SLC4A4: variants seen among roughly 807,000 people sequenced by gnomAD.
The protein encoded by SLC4A4 is electrogenic sodium bicarbonate cotransporter 1.
Under a neutral mutation model 111.5 loss-of-function variants are expected in SLC4A4, and 27 were observed. That is an observed-to-expected ratio of 0.24 (90% CI 0.18 to 0.33). The LOEUF (loss-of-function observed/expected upper bound fraction) is 0.33. SLC4A4 is among the 10% of genes least tolerant of loss of function. The probability of loss-of-function intolerance (pLI) is 1.00; values close to 1 mark genes in which losing one functional copy is unlikely to be tolerated. For missense variants in SLC4A4, 909 were observed against 1,315.5 expected (o/e 0.69, Z 4.78); for synonymous variants, 443 against 463.4 (o/e 0.96, Z 0.57).
chr4:71,113,952 T>A (rs544472437), intron 2 of SLC4A4, among the ~76,000 whole-genome samples: 29 of 152,234 alleles, frequency 1.9e-4, no homozygotes, highest in African/African-American at 7.0e-4. Flanking sequence ...ATGTACTTTT[T>A]AAAAAAGCAA....
chr4:71,512,821 T>A (rs1732051230), intron 16 of SLC4A4, among the ~76,000 whole-genome samples: 1 of 152,148 alleles, frequency 6.6e-6, no homozygotes, highest in Non-Finnish European at 1.5e-5. Flanking sequence ...TATGGTGAGG[T>A]AGGAGTCCAG....
intron 2 of SLC4A4, among the ~76,000 whole-genome samples, chr4:71,178,802 T>A (rs1035821005): frequency 1.7e-4 from 26 of 152,180 alleles, no homozygotes; most frequent in Middle Eastern, 3.2e-3. Flanking sequence ...CCATTCCTTC[T>A]GAAACTATTC....
intron 1 of SLC4A4, among the ~76,000 whole-genome samples, chr4:71,192,003 G>A (rs947382068): frequency 1.3e-5 from 2 of 152,104 alleles, no homozygotes; most frequent in African/African-American, 4.8e-5. Flanking sequence ...AAATGAGAAA[G>A]GAGTATGTTA....
intron 3 of SLC4A4, among the ~76,000 whole-genome samples, chr4:71,261,067 G>T (rs538862968): frequency 4.8e-4 from 73 of 152,232 alleles, no homozygotes; most frequent in African/African-American, 1.6e-3. Flanking sequence ...CTCACTAGGC[G>T]TTCTTTTGCT....
intron 1 of SLC4A4, among the ~76,000 whole-genome samples, chr4:71,088,277 T>G (rs1742255848): frequency 6.6e-6 from 1 of 151,932 alleles, no homozygotes; most frequent in Admixed American, 6.6e-5. Context: ...CTCCATCCCT[T>G]TATTTTGAGC....
At chr4:71,212,692 G>A (rs953758169) in intron 1 of SLC4A4, among the ~76,000 whole-genome samples, 6 of 152,130 alleles carry the variant, frequency 3.9e-5, no homozygotes, top group South Asian at 2.1e-4. Context: ...GTGTGTGCAC[G>A]TGTGTGTGTG....
chr4:71,371,140 T>G (rs570514766), intron 6 of SLC4A4, among the ~76,000 whole-genome samples: 2 of 152,268 alleles, frequency 1.3e-5, no homozygotes, highest in Admixed American at 1.3e-4. Flanking sequence ...CTTTTGTCTC[T>G]TCTCAATATA....
At chr4:71,566,658 A>G (rs1737495845) in intron 24 of SLC4A4, among the ~76,000 whole-genome samples, 1 of 151,692 alleles carries the variant, frequency 6.6e-6, no homozygotes, top group Non-Finnish European at 1.5e-5. Context: ...TTTTTTCCTT[A>G]TGAACAACAG....
chr4:71,432,183 T>TGTAA (rs1723698427), intron 7 of SLC4A4, among the ~76,000 whole-genome samples: 1 of 151,858 alleles, frequency 6.6e-6, no homozygotes, highest in Admixed American at 6.6e-5. Flanking sequence ...AGTGTAGGAG[T>TGTAA]GTAAGTATAT....
rs150157415 is a variant in SLC4A4 at position 71,381,552 on chromosome 4, C to G, written c.731-16025C>G. 2.1e-3 allele frequency among the ~76,000 whole-genome samples: 326 copies of G among 152,186 alleles called. 2 individuals are homozygous for G. Among genetic ancestry groups the G allele is most frequent in the African/African-American group, 7.4e-3 (308 of 41,524 alleles). ...TTTAGTGGCGATAATTTTATCATAC[C>G]CAGTTATAGGGGTAGAGTTTTGGGG... is the stretch of plus-strand genomic sequence containing the variant. On this transcript the variant is annotated intron_variant, in intron 6 of 25. Transcript: ENST00000264485.
intron 1 of SLC4A4, among the ~76,000 whole-genome samples, chr4:71,071,536 A>G (rs1197459600): frequency 6.6e-6 from 1 of 152,218 alleles, no homozygotes; most frequent in African/African-American, 2.4e-5. Flanking sequence ...AATGAATATA[A>G]TTGAAAATTA....
chr4:71,218,830 G>A (rs1489560096), intron 1 of SLC4A4, among the ~76,000 whole-genome samples: 1 of 151,974 alleles, frequency 6.6e-6, no homozygotes, highest in Non-Finnish European at 1.5e-5. Context: ...CACATTTTCA[G>A]AAAATTGAAC....
At chr4:71,443,711 A>G (rs963280933) in intron 8 of SLC4A4, among the ~76,000 whole-genome samples, 1 of 152,174 alleles carries the variant, frequency 6.6e-6, no homozygotes, top group Non-Finnish European at 1.5e-5. Flanking sequence ...ATGTAAGGTA[A>G]TTGGTTATTA....
intron 7 of SLC4A4, among the ~76,000 whole-genome samples, chr4:71,419,716 C>G (rs1212098825): frequency 1.3e-5 from 2 of 152,238 alleles, no homozygotes; most frequent in African/African-American, 4.8e-5. Flanking sequence ...CCTGCACCCA[C>G]TATCTGGCAC....
intron 2 of SLC4A4, among the ~76,000 whole-genome samples, chr4:71,156,588 G>GCA (rs1553957345): frequency 0.46 from 63,203 of 138,316 alleles, 16,332 homozygotes; most frequent in East Asian, 0.65. Context: ...GCGCGCGCGC[G>GCA]CACACACACA....
chr4:71,568,415 A>G lies in SLC4A4; in HGVS notation c.*664A>G, dbSNP rs1737686733. 6.6e-6 allele frequency: 1 copy of G among 152,210 alleles called. No homozygotes were observed. Among genetic ancestry groups the G allele is most frequent in the African/African-American group, 2.4e-5 (1 of 41,324 alleles). 9.4% of individuals were successfully genotyped at this position (152,210 alleles called of 1,614,324 possible). A position where few individuals can be genotyped will look rare whatever the true frequency, so the allele number is the denominator to read the frequency against. On this transcript the variant is annotated 3_prime_UTR_variant, in exon 26 of 26. Coordinates refer to ENST00000264485, the MANE Select transcript of SLC4A4 (RefSeq NM_001098484.3). ...TGTAAATCCTAATCTTAGAGTTATC[A>G]AAAGAAGAAAAAACTGAAGGTACTT...
At chr4:71,097,810 G>A (rs183934864) in intron 2 of SLC4A4, among the ~76,000 whole-genome samples, 32 of 152,100 alleles carry the variant, frequency 2.1e-4, no homozygotes, top group East Asian at 1.7e-3. Context: ...GATTGTTGGC[G>A]ACATGCATGT....
chr4:71,212,455 A>T (rs1190351451), intron 1 of SLC4A4, among the ~76,000 whole-genome samples: 2 of 152,176 alleles, frequency 1.3e-5, no homozygotes, highest in Non-Finnish European at 2.9e-5. Flanking sequence ...CCTTGCTGGG[A>T]GCAGAGGGTG....
intron 2 of SLC4A4, among the ~76,000 whole-genome samples, chr4:71,153,054 A>ATAT (rs528058780): frequency 4.3e-4 from 61 of 140,916 alleles, no homozygotes; most frequent in African/African-American, 5.9e-4. Flanking sequence ...TATATATATA[A>ATAT]AAATAAAAGG....
Sources: gnomAD v4.1 joint callset for allele counts (sites outside exome capture counted in the v4.1 genomes callset) on GRCh38, gnomAD v4.1.1 for gene constraint, MANE v1.5 for transcripts, NCBI Gene and HGNC (gene_info 2026-07-23, HGNC 2026-07-21) for gene names.